Variants in COL8A1 observed in about 807,000 individuals in gnomAD.
The protein encoded by COL8A1 is collagen alpha-1(VIII) chain.
Under a neutral mutation model 42.7 loss-of-function variants are expected in COL8A1, and 21 were observed. That is an observed-to-expected ratio of 0.49 (90% CI 0.35 to 0.71). The LOEUF (loss-of-function observed/expected upper bound fraction) is 0.71, where lower values mean the gene tolerates loss of function less well. Among genes scored for constraint, COL8A1 ranks in the 30% least tolerant of loss-of-function variants. The probability of loss-of-function intolerance (pLI) is 0.01; values close to 1 mark genes in which losing one functional copy is unlikely to be tolerated. For synonymous variants in COL8A1, 367 were observed against 369.1 expected, an observed-to-expected ratio of 0.99 and a Z score of 0.06; for missense variants, 788 against 962.4, an observed-to-expected ratio of 0.82 and a Z score of 2.40.
At chr3:99,725,595 G>A (rs926777815) in intron 1 of COL8A1, among the ~76,000 whole-genome samples, 60 of 116,808 alleles carry the variant, frequency 5.1e-4, no homozygotes, top group African/African-American at 2.0e-3. Flanking sequence ...TCCCAAGACT[G>A]TGATGTTCCC....
At chr3:99,701,020 TTA>T (rs1169153345) in intron 1 of COL8A1, among the ~76,000 whole-genome samples, 1 of 152,134 alleles carries the variant, frequency 6.6e-6, no homozygotes, top group Non-Finnish European at 1.5e-5. Context: ...AAGGTGTTGT[TTA>T]CAACATGAAA....
intron 2 of COL8A1, among the ~76,000 whole-genome samples, chr3:99,782,136 A>G (rs757704213): frequency 3.3e-5 from 5 of 152,170 alleles, no homozygotes; most frequent in Admixed American, 6.5e-5. Flanking sequence ...GTAAGAAAAA[A>G]AAACCATGGA....
intron 1 of COL8A1, among the ~76,000 whole-genome samples, chr3:99,713,227 C>A (rs1335049118): frequency 6.6e-6 from 1 of 152,076 alleles, no homozygotes; most frequent in East Asian, 1.9e-4. Flanking sequence ...CCCAAGTTCA[C>A]ACAAGTAGTA....
At position 99,644,198 on chromosome 3, in the gene COL8A1, T is replaced by C. The variant is rs148060744; in HGVS notation, c.-129+5534T>C. Among the ~76,000 whole-genome samples the C allele has an allele frequency of 3.7e-3, 570 of 152,310 alleles. 5 individuals carry two copies. Among genetic ancestry groups the C allele is most frequent in the African/African-American group, 0.013 (537 of 41,564 alleles). On this transcript the variant is annotated intron_variant, in intron 1 of 3. Coordinates refer to ENST00000652472, the MANE Select transcript of COL8A1 (RefSeq NM_020351.4). ...TGACTTTCTGTTTGAGTCAGGGTTCTTTAAATACAACACTAATTGAAGCCT... is the reference window on the plus strand; with the variant it reads ...TGACTTTCTGTTTGAGTCAGGGTTCCTTAAATACAACACTAATTGAAGCCT...
At chr3:99,691,560 GA>G (rs1168699033) in intron 1 of COL8A1, 1 of 151,922 alleles carries the variant, frequency 6.6e-6, no homozygotes, top group African/African-American at 2.4e-5. Context: ...CTTTTTATAA[GA>G]CCCCCAGGTG....
intron 1 of COL8A1, among the ~76,000 whole-genome samples, chr3:99,685,728 G>A (rs1271258691): frequency 2.0e-5 from 3 of 152,120 alleles, no homozygotes; most frequent in East Asian, 3.8e-4. Context: ...GCCAAATCAT[G>A]TTGATTTTAT....
chr3:99,740,941 A>C (rs1187143519), intron 1 of COL8A1, among the ~76,000 whole-genome samples: 1 of 152,190 alleles, frequency 6.6e-6, no homozygotes, highest in Non-Finnish European at 1.5e-5. Context: ...ATAGAACTGT[A>C]GTAAACATTT....
intron 1 of COL8A1, among the ~76,000 whole-genome samples, chr3:99,644,705 T>C (rs1049765054): frequency 1.3e-5 from 2 of 152,246 alleles, no homozygotes; most frequent in Admixed American, 6.5e-5. Context: ...AAGCTTCCAA[T>C]TGATGTGTTT....
chr3:99,671,993 T>C (rs1330465080), intron 1 of COL8A1, among the ~76,000 whole-genome samples: 1 of 152,066 alleles, frequency 6.6e-6, no homozygotes, highest in East Asian at 1.9e-4. Context: ...GTTTGGAAAC[T>C]TCATTCAATT....
intron 1 of COL8A1, among the ~76,000 whole-genome samples, chr3:99,643,441 G>A (rs1336886312): frequency 2.0e-5 from 3 of 152,166 alleles, no homozygotes; most frequent in Admixed American, 2.0e-4. Context: ...TGTGTTGAGT[G>A]GGTGAATGAA....
At chr3:99,774,574 T>C (rs115335281) in intron 2 of COL8A1, among the ~76,000 whole-genome samples, 4 of 152,236 alleles carry the variant, frequency 2.6e-5, no homozygotes, top group African/African-American at 9.6e-5. Flanking sequence ...ATTGTAAAAA[T>C]GTTGGCAACT....
intron 2 of COL8A1, among the ~76,000 whole-genome samples, chr3:99,786,502 A>G (rs576755192): frequency 6.6e-5 from 10 of 152,288 alleles, no homozygotes; most frequent in Admixed American, 3.3e-4. Context: ...TGGCACCTTG[A>G]TCTTGAACTT....
At chr3:99,687,800 A>G (rs1384730193) in intron 1 of COL8A1, among the ~76,000 whole-genome samples, 1 of 152,226 alleles carries the variant, frequency 6.6e-6, no homozygotes, top group Admixed American at 6.5e-5. Context: ...TTTAAGCAAG[A>G]GCATAATAAA....
At chr3:99,762,657 C>T (rs770787410) in intron 2 of COL8A1, among the ~76,000 whole-genome samples, 5 of 152,204 alleles carry the variant, frequency 3.3e-5, no homozygotes, top group South Asian at 4.1e-4. Context: ...CCTAGCCCCA[C>T]GTTGGTCCTA....
intron 1 of COL8A1, among the ~76,000 whole-genome samples, chr3:99,689,852 A>T (rs901624863): frequency 2.6e-5 from 4 of 152,204 alleles, no homozygotes; most frequent in Admixed American, 2.0e-4. Context: ...AGACGAGAGA[A>T]CAGCAAAGGA....
At chr3:99,711,269 C>A (rs1939827689) in intron 1 of COL8A1, among the ~76,000 whole-genome samples, 1 of 152,006 alleles carries the variant, frequency 6.6e-6, no homozygotes, top group South Asian at 2.1e-4. Flanking sequence ...GAGAAAGCCC[C>A]CCAAAAGGTG....
chr3:99,748,922 T>C (rs1339992754), intron 2 of COL8A1, among the ~76,000 whole-genome samples: 1 of 152,236 alleles, frequency 6.6e-6, no homozygotes. Flanking sequence ...TATGGCTCTA[T>C]AGCACTCTTT....
intron 1 of COL8A1, among the ~76,000 whole-genome samples, chr3:99,661,779 T>G (rs1259432206): frequency 6.6e-6 from 1 of 152,212 alleles, no homozygotes; most frequent in Non-Finnish European, 1.5e-5. Context: ...GTATTAAATA[T>G]TATTCAACCG....
intron 1 of COL8A1, among the ~76,000 whole-genome samples, chr3:99,673,235 AT>A (rs1318745993): frequency 6.6e-6 from 1 of 152,078 alleles, no homozygotes; most frequent in Non-Finnish European, 1.5e-5. Context: ...TCATAATTTT[AT>A]CAAAATCACT....
Sources: allele counts gnomAD v4.1 joint callset (sites outside exome capture counted in the v4.1 genomes callset), GRCh38; gene constraint gnomAD v4.1.1; transcripts MANE v1.5; gene names NCBI Gene and HGNC (gene_info 2026-07-23, HGNC 2026-07-21).